Variants in CDH9 observed in about 807,000 individuals in gnomAD.
CDH9 encodes the protein cadherin 9, also known as cadherin-9.
Under a neutral mutation model 70.9 loss-of-function variants are expected in CDH9, and 28 were observed. The observed-to-expected ratio is 0.40, with a 90% CI of 0.29 to 0.54. The LOEUF is 0.54. Ranked by LOEUF, CDH9 falls within the 20% of genes least tolerant of loss-of-function variation. The pLI is 0.59. For synonymous variants in CDH9, 409 were observed against 343.1 expected, an observed-to-expected ratio of 1.19 and a Z score of -2.12; for missense variants, 874 against 984.4, an observed-to-expected ratio of 0.89 and a Z score of 1.50.
Position 26,988,423 on chromosome 5 carries a change from G to A in CDH9, c.-49-41C>T. The A allele has an allele frequency of 4.0e-6, 6 of 1,502,320 alleles. No homozygotes were observed. In the South Asian group the frequency reaches 7.8e-5, roughly 20 times the overall value. The allele number at this position is 1,502,320 out of a possible 1,614,324, so 93.1% of individuals were successfully genotyped here. Reference sequence around the variant, plus strand: ...AAAAAAAATGGCTGTATTAGCTTGAGTTTCACTTTCCCACAACGTGTAAAC... The same window carrying A: ...AAAAAAAATGGCTGTATTAGCTTGAATTTCACTTTCCCACAACGTGTAAAC... On this transcript the variant is annotated intron_variant, in intron 1 of 11. Transcript: ENST00000231021.
intron 1 of CDH9, among the ~76,000 whole-genome samples, chr5:26,996,534 T>C (rs548269120): frequency 5.3e-5 from 8 of 152,098 alleles, no homozygotes; most frequent in Admixed American, 3.9e-4. Flanking sequence ...ATAACACATA[T>C]ATAAAGAACA....
intron 1 of CDH9, among the ~76,000 whole-genome samples, chr5:26,993,873 G>C (rs572896289): frequency 6.6e-6 from 1 of 152,002 alleles, no homozygotes; most frequent in Non-Finnish European, 1.5e-5. Flanking sequence ...CAGAACCATG[G>C]GGATGGGACT....
intron 1 of CDH9, among the ~76,000 whole-genome samples, chr5:26,997,355 G>A (rs916853400): frequency 2.6e-5 from 4 of 151,886 alleles, no homozygotes; most frequent in African/African-American, 7.3e-5. Context: ...TATTGGATTG[G>A]CCCCTTGAAT....
At chr5:26,951,916 G>A (rs1465556625) in intron 2 of CDH9, among the ~76,000 whole-genome samples, 3 of 149,428 alleles carry the variant, frequency 2.0e-5, no homozygotes, top group African/African-American at 7.4e-5. Context: ...TGGCTCACAT[G>A]TTTGTCCCCT....
intron 2 of CDH9, among the ~76,000 whole-genome samples, chr5:26,976,936 C>T (rs71611756): frequency 0.099 from 15,041 of 151,838 alleles, 864 homozygotes; most frequent in Middle Eastern, 0.19. Context: ...ATTACTATCT[C>T]TTATTTGCAG....
chr5:26,990,736 T>C (rs1005073630), intron 1 of CDH9, among the ~76,000 whole-genome samples: 18 of 152,304 alleles, frequency 1.2e-4, no homozygotes, highest in African/African-American at 4.1e-4. Context: ...GTTATCTTAC[T>C]TTGATAAAAT....
rs191908997 is a variant in CDH9 at position 27,004,418 on chromosome 5, C to A, written c.-49-16036G>T. Among the ~76,000 whole-genome samples the A allele has an allele frequency of 4.3e-3, 651 of 152,194 alleles. 2 individuals carry two copies. The highest frequency in any genetic ancestry group is 0.031 in the Middle Eastern group (9 of 294). On this transcript the variant is annotated intron_variant, in intron 1 of 11. Transcript: ENST00000231021. ...CCCATAAATTTAATCTTCATGATAT[C>A]TAAATCACATAAGGATTTGTGGCAG...
chr5:26,888,650 T>A (rs777387863), intron 9 of CDH9, among the ~76,000 whole-genome samples: 1 of 152,216 alleles, frequency 6.6e-6, no homozygotes, highest in Non-Finnish European at 1.5e-5. Flanking sequence ...TGTGTATCTC[T>A]GTCTTAGTCA....
chr5:26,987,258 T>C (rs1426270435), intron 2 of CDH9, among the ~76,000 whole-genome samples: 1 of 151,900 alleles, frequency 6.6e-6, no homozygotes, highest in Middle Eastern at 3.2e-3. Flanking sequence ...GTATTTAAAA[T>C]TGTTCGTTTT....
At chr5:26,906,655 CTAAATTAA>C in intron 4 of CDH9, 56 bp downstream of exon 4, 2 of 1,540,188 alleles carry the variant, frequency 1.3e-6, no homozygotes, top group Non-Finnish European at 1.8e-6. Flanking sequence ...TTAAAAATCT[CTAAATTAA>C]TTATGCATCT....
chr5:27,001,355 GGTAT>G (rs1262801209), intron 1 of CDH9, among the ~76,000 whole-genome samples: 1 of 151,992 alleles, frequency 6.6e-6, no homozygotes, highest in Admixed American at 6.6e-5. Flanking sequence ...TTTCCGCAAG[GGTAT>G]GTTTTGACAA....
chr5:27,031,469 T>C (rs1743309183), intron 1 of CDH9, among the ~76,000 whole-genome samples: 1 of 151,926 alleles, frequency 6.6e-6, no homozygotes, highest in African/African-American at 2.4e-5. Context: ...AGATTACAAT[T>C]TATGGTCATT....
At chr5:26,908,270 G>A (rs1237028114) in intron 3 of CDH9, among the ~76,000 whole-genome samples, 2 of 151,764 alleles carry the variant, frequency 1.3e-5, no homozygotes, top group African/African-American at 4.8e-5. Flanking sequence ...TTAGATGAAA[G>A]CAAAAATGAT....
chr5:26,940,030 A>G (rs1208583652), intron 2 of CDH9, among the ~76,000 whole-genome samples: 1 of 151,898 alleles, frequency 6.6e-6, no homozygotes, highest in African/African-American at 2.4e-5. Flanking sequence ...ATGGTGGTGC[A>G]TGCCTGTAAT....
intron 1 of CDH9, among the ~76,000 whole-genome samples, chr5:27,022,859 G>A (rs1025284112): frequency 1.2e-4 from 18 of 152,006 alleles, no homozygotes; most frequent in African/African-American, 4.3e-4. Flanking sequence ...CTTAGAAAAG[G>A]TCTTCAGGGA....
chr5:27,001,844 ACTCTCTCTCT>A lies in CDH9; in HGVS notation c.-49-13472_-49-13463del, dbSNP rs141271541. On this transcript the variant is annotated intron_variant, in intron 1 of 11. Coordinates refer to ENST00000231021, the MANE Select transcript of CDH9 (RefSeq NM_016279.4). ...GTGCTTAACATACACACACACACAC[ACTCTCTCTCT>A]CTCTCTCTCTCTCTCTCTCTCTCAA... 2.5e-4 allele frequency among the ~76,000 whole-genome samples: 35 copies of A among 142,060 alleles called. No homozygotes were observed. In the South Asian group the frequency reaches 4.0e-3, roughly 16 times the overall value. The allele number at this position is 142,060 out of a possible 152,430, so 93.2% of individuals were successfully genotyped here.
intron 7 of CDH9, among the ~76,000 whole-genome samples, chr5:26,892,479 C>T (rs1017654225): frequency 6.6e-6 from 1 of 152,168 alleles, no homozygotes; most frequent in Non-Finnish European, 1.5e-5. Flanking sequence ...AGAATAAGAA[C>T]GGAAACAGGA....
At chr5:26,933,578 A>G (rs2112026767) in intron 2 of CDH9, among the ~76,000 whole-genome samples, 1 of 152,150 alleles carries the variant, frequency 6.6e-6, no homozygotes, top group East Asian at 1.9e-4. Context: ...GATCGAGACC[A>G]TCCAGGCCAA....
At chr5:26,903,031 T>G in intron 6 of CDH9, 1 of 237,514 alleles carries the variant, frequency 4.2e-6, no homozygotes, top group Non-Finnish European at 8.1e-6. Context: ...CATTATGTAT[T>G]ATCATTATTA....
Sources: allele counts gnomAD v4.1 joint callset (sites outside exome capture counted in the v4.1 genomes callset), GRCh38; gene constraint gnomAD v4.1.1; transcripts MANE v1.5; gene names NCBI Gene and HGNC (gene_info 2026-07-23, HGNC 2026-07-21).